GPR149: variants seen among roughly 807,000 people sequenced by gnomAD.
The protein encoded by GPR149 is probable G protein-coupled receptor 149.
A neutral mutation model predicts 50.2 loss-of-function variants in GPR149; 50 were observed. That is an observed-to-expected ratio of 1.00 (90% confidence interval 0.79 to 1.26). The LOEUF is 1.26. Ranked by LOEUF, GPR149 falls within the 50% of genes most tolerant of loss-of-function variation. The pLI is 0.00. For missense variants in GPR149, 983 were observed against 895.4 expected (o/e 1.10, Z -1.25); for synonymous variants, 405 against 358.2 (o/e 1.13, Z -1.48).
rs1490075400 is a variant in GPR149 at position 154,382,667 on chromosome 3, TTATGAG to T, written c.1623+38366_1623+38371del. ...GAAAATCACGAGTCATTTAGTTTTC[TTATGAG>T]TATGAGTATGTTCCTGAAGAATAGG... On this transcript the variant is annotated intron_variant, in intron 3 of 3. Transcript: ENST00000389740. Among the ~76,000 whole-genome samples the T allele has an allele frequency of 7.9e-5, 12 of 152,332 alleles. No individual in the cohort carries two copies. The East Asian group carries it at 1.2e-3, about 15-fold the overall frequency.
chr3:154,407,939 C>T (rs533690038), intron 3 of GPR149, among the ~76,000 whole-genome samples: 1 of 152,066 alleles, frequency 6.6e-6, no homozygotes. Flanking sequence ...TCAGAAAATG[C>T]TAAAAAATGA....
At chr3:154,410,897 T>C (rs1711814654) in intron 3 of GPR149, among the ~76,000 whole-genome samples, 1 of 152,146 alleles carries the variant, frequency 6.6e-6, no homozygotes, top group Admixed American at 6.6e-5. Context: ...TACATTCTAT[T>C]CATCAGTACA....
At chr3:154,420,634 C>T (rs988437387) in intron 3 of GPR149, among the ~76,000 whole-genome samples, 3 of 151,732 alleles carry the variant, frequency 2.0e-5, no homozygotes, top group African/African-American at 7.3e-5. Flanking sequence ...AAATATTTGC[C>T]TTTACATGAA....
rs1712350665 is a variant in GPR149, at chr3:154,427,803, G to T, written c.982-95C>A. The T allele has an allele frequency of 4.3e-6, 5 of 1,173,746 alleles. No homozygotes were observed. In the East Asian group the frequency reaches 1.0e-4, roughly 24 times the overall value. 72.7% of individuals were successfully genotyped at this position (1,173,746 alleles called of 1,614,324 possible). On this transcript the variant is annotated intron_variant, in intron 1 of 3. Coordinates refer to ENST00000389740, the MANE Select transcript of GPR149 (RefSeq NM_001038705.3). ...GCACGCTGCCTCAGTTCCCTTTCCA[G>T]TTCCTTCTCCTGATGGACAGCGGGG...
At chr3:154,366,323 T>C (rs1255713935) in intron 3 of GPR149, among the ~76,000 whole-genome samples, 2 of 152,208 alleles carry the variant, frequency 1.3e-5, no homozygotes, top group African/African-American at 4.8e-5. Context: ...GGTACAGCAT[T>C]ACATGACAGA....
intron 3 of GPR149, among the ~76,000 whole-genome samples, chr3:154,399,707 C>A (rs1430861303): frequency 6.6e-6 from 1 of 152,178 alleles, no homozygotes; most frequent in Non-Finnish European, 1.5e-5. Context: ...AAGTTGAAGG[C>A]ATGGCCTGAG....
intron 2 of GPR149, 29 bp downstream of exon 2, chr3:154,427,487 T>C: frequency 2.6e-6 from 4 of 1,560,544 alleles, no homozygotes; most frequent in African/African-American, 1.4e-5. Flanking sequence ...TGCATATTGC[T>C]GCCAATCACT....
chr3:154,340,329 C>A (rs1042146011), intron 3 of GPR149, among the ~76,000 whole-genome samples: 12 of 152,232 alleles, frequency 7.9e-5, no homozygotes, highest in Admixed American at 2.0e-4. Flanking sequence ...ATTGACTCTA[C>A]ATGTGTAATG....
At position 154,337,946 on chromosome 3, in the gene GPR149, G is replaced by A. The variant is rs751068454; in HGVS notation, c.1949C>T (p.Pro650Leu). The A allele has an allele frequency of 1.2e-6, 2 of 1,613,624 alleles. No homozygotes were observed. Among genetic ancestry groups the A allele is most frequent in the East Asian group, 4.5e-5 (2 of 44,878 alleles). ...TTCTTTCCTGGAGTAACGTAGGGAT[G>A]GAGATCTGACTTGTGTGGAGGACTG... ...ISQSSTQVRS[P>L]SLRYSRKENR... The change falls in exon 4 of 4, where the codon CCA becomes CTA. Residue 650 changes from proline (P) to leucine (L), a missense_variant. Physicochemically the swap from Pro to Leu is moderately conservative, Grantham distance 98. Coordinates refer to ENST00000389740, the MANE Select transcript of GPR149 (RefSeq NM_001038705.3).
chr3:154,353,688 AC>A (rs1559971916), intron 3 of GPR149: 1 of 1,311,250 alleles, frequency 7.6e-7, no homozygotes, highest in African/African-American at 1.5e-5. Flanking sequence ...TGGAGCCAAA[AC>A]AAGTACCTTT....
At chr3:154,401,378 A>G (rs1711547018) in intron 3 of GPR149, among the ~76,000 whole-genome samples, 1 of 152,214 alleles carries the variant, frequency 6.6e-6, no homozygotes, top group African/African-American at 2.4e-5. Flanking sequence ...TTTTCAAATG[A>G]TTCTGCTGGG....
chr3:154,385,809 C>T (rs188040166), intron 3 of GPR149, among the ~76,000 whole-genome samples: 1 of 151,828 alleles, frequency 6.6e-6, no homozygotes, highest in East Asian at 1.9e-4. Context: ...TCACACCATT[C>T]GCCTGCCTCA....
chr3:154,372,745 T>C (rs902157337), intron 3 of GPR149, among the ~76,000 whole-genome samples: 2 of 152,046 alleles, frequency 1.3e-5, no homozygotes, highest in African/African-American at 4.8e-5. Flanking sequence ...TATCAAGACA[T>C]ATTTAGGTTG....
chr3:154,352,307 G>T, intron 3 of GPR149: 1 of 920,154 alleles, frequency 1.1e-6, no homozygotes, highest in Middle Eastern at 2.4e-4. Context: ...CACTTGACCA[G>T]CCATTCCTCC....
At chr3:154,371,821 C>G (rs945477516) in intron 3 of GPR149, among the ~76,000 whole-genome samples, 2 of 152,192 alleles carry the variant, frequency 1.3e-5, no homozygotes, top group African/African-American at 2.4e-5. Flanking sequence ...CTCGGCTCCT[C>G]CCCTTTCTAG....
chr3:154,412,997 C>G (rs998726847), intron 3 of GPR149, among the ~76,000 whole-genome samples: 1 of 151,938 alleles, frequency 6.6e-6, no homozygotes, highest in Non-Finnish European at 1.5e-5. Flanking sequence ...GAAATAAAAC[C>G]AAATACTTAT....
intron 3 of GPR149, among the ~76,000 whole-genome samples, chr3:154,358,864 C>T (rs187286795): frequency 9.2e-4 from 140 of 152,078 alleles, no homozygotes; most frequent in African/African-American, 3.1e-3. Context: ...TGTATTTGTG[C>T]ATGGGTGTTT....
At chr3:154,356,443 G>T (rs1250730751) in intron 3 of GPR149, among the ~76,000 whole-genome samples, 7 of 152,132 alleles carry the variant, frequency 4.6e-5, no homozygotes, top group Admixed American at 2.0e-4. Flanking sequence ...CATCGTCTCA[G>T]CCCAAAATCT....
chr3:154,429,510 G>GAT lies in GPR149; in HGVS notation c.104_105dup (p.Leu36IlefsTer5). 1 of 1,614,182 alleles carries GAT rather than the reference G, an allele frequency of 6.2e-7. No individual in the cohort carries two copies. The highest frequency in any genetic ancestry group is 8.5e-7 in the Non-Finnish European group (1 of 1,180,028). ...GTCATGAGACATGTCAAGCAAAAAAGATAGATATTCAGGGTTCCTGGCGGA... is the reference window on the plus strand; with the variant it reads ...GTCATGAGACATGTCAAGCAAAAAAGATATAGATATTCAGGGTTCCTGGCGGA... On this transcript the variant is annotated frameshift_variant, in exon 1 of 4. Transcript: ENST00000389740. LOFTEE classifies it high-confidence loss of function.
Sources: allele counts gnomAD v4.1 joint callset (sites outside exome capture counted in the v4.1 genomes callset), GRCh38; gene constraint gnomAD v4.1.1; transcripts MANE v1.5; gene names NCBI Gene and HGNC (gene_info 2026-07-23, HGNC 2026-07-21).